The following GARRE1 variants were observed in gnomAD, a reference collection of about 807,000 sequenced individuals.
GARRE1 encodes the protein granule associated Rac and RHOG effector 1, also known as granule associated Rac and RHOG effector protein 1.
GARRE1 carries 49 observed loss-of-function variants against 103.2 expected under a neutral mutation model. That is an observed-to-expected ratio of 0.47 (90% CI 0.38 to 0.60). The LOEUF (loss-of-function observed/expected upper bound fraction) is 0.60, where lower values mean the gene tolerates loss of function less well. Among genes scored for constraint, GARRE1 ranks in the 20% least tolerant of loss-of-function variants. The pLI, the probability that GARRE1 is intolerant of heterozygous loss-of-function variation, is 0.00. For synonymous variants in GARRE1, 505 were observed against 532.8 expected (o/e 0.95, Z 0.72); for missense variants, 1,199 against 1,370.5 (o/e 0.87, Z 1.98).
intron 8 of GARRE1, among the ~76,000 whole-genome samples, chr19:34,336,464 C>T (rs1003623171): frequency 2.3e-5 from 3 of 131,310 alleles, no homozygotes; most frequent in African/African-American, 8.5e-5. Context: ...GAAATGTGTT[C>T]CTGAATTTTT....
intron 1 of GARRE1, among the ~76,000 whole-genome samples, chr19:34,289,727 A>T (rs1380764874): frequency 2.0e-5 from 3 of 151,888 alleles, no homozygotes; most frequent in Non-Finnish European, 2.9e-5. Flanking sequence ...TGTCTCAAAA[A>T]AAAAAATAAA....
At chr19:34,285,346 G>A (rs983751865) in intron 1 of GARRE1, 2 of 152,106 alleles carry the variant, frequency 1.3e-5, no homozygotes, top group African/African-American at 4.8e-5. Flanking sequence ...ACTCGGGCAG[G>A]CATGATGGCT....
At chr19:34,278,819 G>T (rs2073833748) in intron 1 of GARRE1, among the ~76,000 whole-genome samples, 1 of 151,896 alleles carries the variant, frequency 6.6e-6, no homozygotes, top group Non-Finnish European at 1.5e-5. Context: ...CTACAAGTGT[G>T]CACCATAATG....
intron 2 of GARRE1, among the ~76,000 whole-genome samples, chr19:34,302,689 C>T (rs1250690228): frequency 6.7e-6 from 1 of 149,826 alleles, no homozygotes; most frequent in African/African-American, 2.5e-5. Context: ...TGCTAATATT[C>T]AGATGTATTT....
intron 1 of GARRE1, among the ~76,000 whole-genome samples, chr19:34,287,003 G>GTGGCGGGCGCCTGTAGTCCCAGCTACTC (rs2073890994): frequency 1.3e-5 from 2 of 151,860 alleles, no homozygotes; most frequent in Admixed American, 1.3e-4. Flanking sequence ...GTCGGGCATG[G>GTGGCGGGCGCCTGTAGTCCCAGCTACTC]TGGCGGGCGC....
At chr19:34,325,455 A>T (rs2074107184) in intron 3 of GARRE1, among the ~76,000 whole-genome samples, 1 of 152,024 alleles carries the variant, frequency 6.6e-6, no homozygotes, top group African/African-American at 2.4e-5. Flanking sequence ...GCCATCCCAC[A>T]CTGGCTTCAC....
intron 1 of GARRE1, among the ~76,000 whole-genome samples, chr19:34,258,192 G>A (rs1247334078): frequency 6.6e-6 from 1 of 152,104 alleles, no homozygotes; most frequent in East Asian, 1.9e-4. Context: ...CTTGGAACTA[G>A]TGTGGTCATT....
Position 34,341,840 on chromosome 19 carries a change from A to G in GARRE1, c.1906A>G (p.Lys636Glu), listed in dbSNP as rs764452898. ...GCATGGAGATGACGGCAAGGATGAG[A>G]AGGGTATGAACTTACCAACTGATCA... Reference protein sequence around the residue: ...FLHGDDGKDEKGMNLPTDQEM... With the variant: ...FLHGDDGKDEEGMNLPTDQEM... The change falls in exon 10 of 14, where the codon AAG becomes GAG. Residue 636 changes from lysine (K) to glutamate (E), a missense_variant. Physicochemically the swap from Lys to Glu is moderately conservative, Grantham distance 56 (BLOSUM62 1). Coordinates refer to ENST00000299505, the MANE Select transcript of GARRE1 (RefSeq NM_014686.5). 6.8e-6 allele frequency: 11 copies of G among 1,614,068 alleles called. No homozygotes were observed. Among genetic ancestry groups the G allele is most frequent in the African/African-American group, 1.3e-5 (1 of 74,926 alleles).
chr19:34,340,952 G>C (rs972388896), intron 9 of GARRE1, among the ~76,000 whole-genome samples: 1 of 152,184 alleles, frequency 6.6e-6, no homozygotes, highest in Admixed American at 6.5e-5. Flanking sequence ...TTTAGTATGG[G>C]AAAAATGTGC....
chr19:34,286,206 G>A (rs1427065786), intron 1 of GARRE1, among the ~76,000 whole-genome samples: 1 of 134,404 alleles, frequency 7.4e-6, no homozygotes, highest in Non-Finnish European at 1.7e-5. Context: ...ACTTTGGAAG[G>A]GAGGTGCCTT....
Position 34,327,970 on chromosome 19 carries a change from T to A in GARRE1, c.943-20T>A. The stretch of plus-strand genomic sequence containing the variant: ...ATGAGCGATGGGTCACCTCTCCTCT[T>A]CCATCCATGCCTTTTCCAGGGCTGC... On this transcript the variant is annotated intron_variant, in intron 5 of 13. Coordinates refer to ENST00000299505, the MANE Select transcript of GARRE1 (RefSeq NM_014686.5). 6 of 1,614,082 alleles carry A rather than the reference T, an allele frequency of 3.7e-6. No homozygotes were observed. Among genetic ancestry groups the A allele is most frequent in the Non-Finnish European group, 5.1e-6 (6 of 1,180,010 alleles).
rs112247665 is a variant in GARRE1, at chr19:34,318,931, C to G, written c.496-976C>G. The stretch of plus-strand genomic sequence containing the variant: ...ATAGTGCACCGAGGTCAGAGAATCG[C>G]TTAAACCCAGGATGTGGAGGTTGCA... On this transcript the variant is annotated intron_variant, in intron 2 of 13. Coordinates refer to ENST00000299505, the MANE Select transcript of GARRE1 (RefSeq NM_014686.5). 9.9e-3 allele frequency among the ~76,000 whole-genome samples: 1,507 copies of G among 152,094 alleles called. 19 individuals are homozygous for G. Among genetic ancestry groups the G allele is most frequent in the Non-Finnish European group, 0.015 (1,052 of 68,002 alleles).
chr19:34,314,930 C>T (rs1318067155), intron 2 of GARRE1, among the ~76,000 whole-genome samples: 2 of 152,000 alleles, frequency 1.3e-5, no homozygotes, highest in Non-Finnish European at 2.9e-5. Context: ...TGTAATGACT[C>T]GAATGATCAT....
intron 7 of GARRE1, 27 bp from the exon 8 acceptor site, chr19:34,333,677 G>GTTTTTTTTTTTTTTTTTT (rs74177138): frequency 1.3e-5 from 9 of 674,536 alleles, no homozygotes; most frequent in Admixed American, 8.2e-5. Flanking sequence ...GTTGTTATTT[G>GTTTTTTTTTTTTTTTTTT]TTTTTTTTTT....
intron 10 of GARRE1, among the ~76,000 whole-genome samples, chr19:34,347,021 C>T (rs1225907127): frequency 6.6e-6 from 1 of 151,912 alleles, no homozygotes; most frequent in African/African-American, 2.4e-5. Context: ...CTTCCTGGGC[C>T]CAAGTGATCC....
intron 12 of GARRE1, among the ~76,000 whole-genome samples, chr19:34,349,789 T>C (rs754046994): frequency 6.6e-6 from 1 of 152,030 alleles, no homozygotes; most frequent in Non-Finnish European, 1.5e-5. Context: ...GGTTACTTGG[T>C]CCCTGCTGGA....
chr19:34,352,523 G>A (rs551771820), intron 13 of GARRE1, 124 bp from the exon 14 acceptor site: 8 of 756,766 alleles, frequency 1.1e-5, no homozygotes, highest in South Asian at 9.6e-5. Context: ...TTGGACAGGG[G>A]TGTGGGAGTG....
At chr19:34,262,274 T>A (rs2073722891) in intron 1 of GARRE1, among the ~76,000 whole-genome samples, 1 of 138,382 alleles carries the variant, frequency 7.2e-6, no homozygotes, top group South Asian at 2.5e-4. Context: ...TGAGCCACCA[T>A]GCCCAGCTGC....
chr19:34,319,756 A>G, intron 2 of GARRE1, 151 bp from the exon 3 acceptor site: 1 of 675,566 alleles, frequency 1.5e-6, no homozygotes, highest in Non-Finnish European at 2.6e-6. Flanking sequence ...ACAAAGGCAG[A>G]TCCTTCTGAA....
Sources: allele counts gnomAD v4.1 joint callset (sites outside exome capture counted in the v4.1 genomes callset), GRCh38; gene constraint gnomAD v4.1.1; transcripts MANE v1.5; gene names NCBI Gene and HGNC (gene_info 2026-07-23, HGNC 2026-07-21).